Variants in ARAP2 observed in about 807,000 individuals in gnomAD.
ARAP2 encodes ArfGAP with RhoGAP domain, ankyrin repeat and PH domain 2, also known as arf-GAP with Rho-GAP domain, ANK repeat and PH domain-containing protein 2.
ARAP2 carries 148 observed loss-of-function variants against 194.5 expected under a neutral mutation model. The ratio of observed to expected loss-of-function variants is 0.76; its 90% CI spans 0.67 to 0.87. The LOEUF is 0.87. Ranked by LOEUF, ARAP2 falls within the 40% of genes least tolerant of loss-of-function variation. The probability of loss-of-function intolerance (pLI) is 0.00; values close to 1 mark genes in which losing one functional copy is unlikely to be tolerated. For synonymous variants in ARAP2, 695 were observed against 683.5 expected, an observed-to-expected ratio of 1.02 and a Z score of -0.26; for missense variants, 2,128 against 1,989.7, an observed-to-expected ratio of 1.07 and a Z score of -1.32.
intron 28 of ARAP2, among the ~76,000 whole-genome samples, chr4:36,083,916 G>T (rs1182502430): frequency 6.6e-6 from 1 of 152,090 alleles, no homozygotes; most frequent in Non-Finnish European, 1.5e-5. Flanking sequence ...AATAAAGCAG[G>T]CAGGAGAAGA....
At chr4:36,148,364 A>G (rs1396035635) in intron 17 of ARAP2, 41 bp downstream of exon 17, 3 of 1,487,020 alleles carry the variant, frequency 2.0e-6, no homozygotes, top group East Asian at 2.3e-5. Context: ...CCAGTTCACA[A>G]TCTTCTCTGG....
chr4:36,056,697 T>C (rs991890948), intron 2 of ARAP2, among the ~76,000 whole-genome samples: 8 of 152,166 alleles, frequency 5.3e-5, no homozygotes, highest in African/African-American at 1.9e-4. Flanking sequence ...GACCTGTTTT[T>C]GTCCCTTTTT....
At chr4:36,214,630 A>T in intron 2 of ARAP2, 150 bp from the exon 3 acceptor site, 1 of 443,418 alleles carries the variant, frequency 2.3e-6, no homozygotes, top group Non-Finnish European at 3.7e-6. Flanking sequence ...TCTTTTGGGT[A>T]GAAAAAACAA....
chr4:36,145,199 A>C (rs1729353730), intron 19 of ARAP2, among the ~76,000 whole-genome samples: 1 of 151,978 alleles, frequency 6.6e-6, no homozygotes, highest in Non-Finnish European at 1.5e-5. Context: ...AGGAAAAAAA[A>C]ATGGTTCTAC....
At chr4:36,169,619 C>G (rs113053753) in intron 9 of ARAP2, among the ~76,000 whole-genome samples, 43 of 152,068 alleles carry the variant, frequency 2.8e-4, no homozygotes, top group African/African-American at 9.2e-4. Flanking sequence ...CAACCTCGGC[C>G]CCCCCAGGTT....
At position 36,162,090 on chromosome 4, in the gene ARAP2, AGAGC is replaced by A. The variant is rs1734191255; in HGVS notation, c.2174-544_2174-541del. On this transcript the variant is annotated intron_variant, in intron 11 of 32. Transcript: ENST00000303965. ...GCCACTGCACTCCAGCCTGGGCGAC[AGAGC>A]GAGACTCCGTCTCAAAAAAAAAAAA... 5.0e-5 allele frequency among the ~76,000 whole-genome samples: 7 copies of A among 139,416 alleles called. No individual in the cohort carries two copies. In the South Asian group the frequency reaches 1.7e-3, roughly 34 times the overall value. 91.5% of individuals were successfully genotyped at this position (139,416 alleles called of 152,430 possible). A position where few individuals can be genotyped will look rare whatever the true frequency, so the allele number is the denominator to read the frequency against.
chr4:36,068,412 C>T (rs749019193), intron 32 of ARAP2, 134 bp from the exon 33 acceptor site: 317 of 929,770 alleles, frequency 3.4e-4, no homozygotes, highest in Non-Finnish European at 4.5e-4. Flanking sequence ...AACTTTACTT[C>T]GATACAAGTG....
At chr4:36,166,651 C>T (rs975975734) in intron 10 of ARAP2, among the ~76,000 whole-genome samples, 4 of 149,982 alleles carry the variant, frequency 2.7e-5, no homozygotes, top group Non-Finnish European at 4.4e-5. Flanking sequence ...GAATTTATCA[C>T]ATATTTTCAA....
At chr4:36,079,074 T>A (rs1728896486) in intron 31 of ARAP2, among the ~76,000 whole-genome samples, 1 of 147,290 alleles carries the variant, frequency 6.8e-6, no homozygotes, top group Non-Finnish European at 1.5e-5. Context: ...CTCAGGAGGC[T>A]GAGACAGGAG....
At chr4:36,080,036 G>A (rs998303140) in intron 31 of ARAP2, among the ~76,000 whole-genome samples, 180 bp downstream of exon 31, 1 of 152,102 alleles carries the variant, frequency 6.6e-6, no homozygotes, top group African/African-American at 2.4e-5. Context: ...AAAAGGTAAT[G>A]AATAAATTTG....
In ARAP2 at chr4:36,033,017, T is replaced by C. The variant is rs528065802; in HGVS notation, n.607+12962A>G. 2.6e-3 allele frequency among the ~76,000 whole-genome samples: 392 copies of C among 152,058 alleles called. 1 individual carries two copies. Among genetic ancestry groups the C allele is most frequent in the African/African-American group, 9.3e-3 (384 of 41,494 alleles). ...TAAAAGACCTGATCTCATTTTTTTG[T>C]GGCTGCATAGTATTCCACACTGTAT... On this transcript the variant is annotated intron_variant and non_coding_transcript_variant, in intron 5 of 12. Transcript: ENST00000503225.
chr4:36,133,113 G>C, intron 20 of ARAP2, 113 bp downstream of exon 20: 1 of 998,736 alleles, frequency 1.0e-6, no homozygotes, highest in South Asian at 2.1e-5. Context: ...TTTTCACTAG[G>C]ATACTTACAA....
At chr4:36,038,467 GA>G in intron 5 of ARAP2, among the ~76,000 whole-genome samples, 1 of 152,078 alleles carries the variant, frequency 6.6e-6, no homozygotes, top group Non-Finnish European at 1.5e-5. Context: ...AATCTCAAAA[GA>G]CCCTGACAAT....
At position 36,082,263 on chromosome 4, in the gene ARAP2, T is replaced by C. The variant is rs1280316917; in HGVS notation, c.4532A>G (p.Glu1511Gly). 3 of 1,611,398 alleles carry C rather than the reference T, an allele frequency of 1.9e-6. No individual in the cohort carries two copies. The highest frequency in any genetic ancestry group is 2.2e-5 in the South Asian group (2 of 90,410). The stretch of plus-strand genomic sequence containing the variant: ...GCTGTTAACTTACCAGTGATGTTTC[T>C]CAGAATATGCGGTCAATCCCCAGCT... Reference protein sequence around the residue: ...PTSWGLTAYSEKHHWHLCCDS... With the variant: ...PTSWGLTAYSGKHHWHLCCDS... The change falls in exon 30 of 33, where the codon GAG (glutamate) becomes GGG (glycine). Residue 1511 changes from glutamate to glycine, a missense_variant. Physicochemically the swap from Glu to Gly is moderately conservative, Grantham distance 98. Coordinates refer to ENST00000303965, the MANE Select transcript of ARAP2 (RefSeq NM_015230.4).
At position 36,229,312 on chromosome 4, in the gene ARAP2, T is replaced by C. The variant is rs1478154603; in HGVS notation, c.175A>G (p.Arg59Gly). 2 of 1,614,072 alleles carry C rather than the reference T, an allele frequency of 1.2e-6. No individual in the cohort carries two copies. Among genetic ancestry groups the C allele is most frequent in the Non-Finnish European group, 1.7e-6 (2 of 1,179,964 alleles). ...IGISPTGHRR[R>G]ILKQLQIILS... The stretch of plus-strand genomic sequence containing the variant: ...ATTATCTGTAACTGTTTAAGTATCC[T>C]CCTACGGTGACCTGTAGGTGATATT... The change falls in exon 2 of 33, where the codon AGG (arginine) becomes GGG (glycine). Residue 59 changes from arginine (R) to glycine (G), a missense_variant. By Grantham distance (125) the Arg-to-Gly change is moderately radical. Transcript: ENST00000303965.
At chr4:36,212,996 T>C (rs1014251349) in intron 4 of ARAP2, among the ~76,000 whole-genome samples, 1 of 152,044 alleles carries the variant, frequency 6.6e-6, no homozygotes, top group African/African-American at 2.4e-5. Context: ...TAACCCAATC[T>C]TGTGGCAAAT....
rs199505404 is a variant in ARAP2, at chr4:36,067,958, T to C, written c.5064A>G (p.Gln1688=). ...ATTCTTTTGGAAGGGTTCTTGACCG[T>C]TGTAGAACCACATTAAGTTCTTCAA... ...RVIEELNVVL[Q]RSRTLPKELQ... The change falls in exon 33 of 33, where the codon CAA becomes CAG. Residue 1688 remains glutamine (Q), a synonymous_variant. Coordinates refer to ENST00000303965, the MANE Select transcript of ARAP2 (RefSeq NM_015230.4). 71 of 1,613,634 alleles carry C rather than the reference T, an allele frequency of 4.4e-5. No homozygotes were observed. The East Asian group carries it at 7.1e-4, about 16-fold the overall frequency.
At chr4:36,073,949 T>C (rs1727646512) in intron 31 of ARAP2, 126 bp from the exon 32 acceptor site, 1 of 1,243,524 alleles carries the variant, frequency 8.0e-7, no homozygotes, top group Non-Finnish European at 1.1e-6. Flanking sequence ...AGAATTCCAT[T>C]TGTGATTATG....
chr4:36,142,880 A>C (rs1270786725), intron 19 of ARAP2, among the ~76,000 whole-genome samples: 1 of 151,658 alleles, frequency 6.6e-6, no homozygotes, highest in East Asian at 1.9e-4. Flanking sequence ...CAATCTGTTA[A>C]TCTTTTCATG....
Sources: allele counts gnomAD v4.1 joint callset (sites outside exome capture counted in the v4.1 genomes callset), GRCh38; gene constraint gnomAD v4.1.1; transcripts MANE v1.5; gene names NCBI Gene and HGNC (gene_info 2026-07-23, HGNC 2026-07-21).